The following NRP2 variants were observed in gnomAD, a reference collection of about 807,000 sequenced individuals.
The protein encoded by NRP2 is neuropilin 2, also known as neuropilin-2.
Under a neutral mutation model 110.4 loss-of-function variants are expected in NRP2, and 52 were observed. The observed-to-expected ratio is 0.47, with a 90% CI of 0.38 to 0.59. The LOEUF (loss-of-function observed/expected upper bound fraction) is 0.59. Among genes scored for constraint, NRP2 ranks in the 20% least tolerant of loss-of-function variants. The pLI, the probability that NRP2 is intolerant of heterozygous loss-of-function variation, is 0.00. For synonymous variants in NRP2, 508 were observed against 468.9 expected (o/e 1.08, Z -1.08); for missense variants, 1,049 against 1,203.0 (o/e 0.87, Z 1.89).
intron 15 of NRP2, among the ~76,000 whole-genome samples, chr2:205,775,428 A>G (rs2105944898): frequency 6.6e-6 from 1 of 152,286 alleles, no homozygotes; most frequent in East Asian, 1.9e-4. Context: ...CTTTTCTGTC[A>G]TTAAGAATGA....
chr2:205,713,699 G>T lies in NRP2; in HGVS notation c.252-2494G>T, dbSNP rs76631585. Among the ~76,000 whole-genome samples the T allele has an allele frequency of 8.9e-3, 1,350 of 152,264 alleles. 27 individuals carry two copies. The highest frequency in any genetic ancestry group is 0.031 in the African/African-American group (1,269 of 41,550). On this transcript the variant is annotated intron_variant, in intron 2 of 16. Transcript: ENST00000357785. ...ATTCTAGACCTGCAGACTATTGATT[G>T]TAGCAGGAGAGTATTCCATTTTATA...
At chr2:205,747,197 G>C (rs116597964) in intron 10 of NRP2, among the ~76,000 whole-genome samples, 1 of 152,096 alleles carries the variant, frequency 6.6e-6, no homozygotes, top group South Asian at 2.1e-4. Context: ...TTCACAACCC[G>C]CTTCACTTAT....
intron 15 of NRP2, chr2:205,779,539 A>C (rs2058150191): frequency 6.6e-6 from 1 of 152,194 alleles, no homozygotes; most frequent in African/African-American, 2.4e-5. Context: ...CCAAAGAACA[A>C]CAACGAAACA....
At chr2:205,750,201 G>C (rs2057618680) in intron 11 of NRP2, among the ~76,000 whole-genome samples, 2 of 152,224 alleles carry the variant, frequency 1.3e-5, no homozygotes, top group South Asian at 2.1e-4. Flanking sequence ...TCACAGCTCT[G>C]ATAGTTTTTC....
chr2:205,788,176 C>T (rs1004694979), intron 15 of NRP2, among the ~76,000 whole-genome samples: 1 of 152,086 alleles, frequency 6.6e-6, no homozygotes, highest in South Asian at 2.1e-4. Flanking sequence ...CTCTGTCTCT[C>T]GATGATGCAG....
chr2:205,730,615 G>A (rs1299327323), intron 7 of NRP2, among the ~76,000 whole-genome samples: 2 of 152,162 alleles, frequency 1.3e-5, no homozygotes, highest in Admixed American at 6.5e-5. Flanking sequence ...CCTTCCCGGT[G>A]TGCAGGGAAG....
At chr2:205,700,201 A>T (rs1380493575) in intron 2 of NRP2, among the ~76,000 whole-genome samples, 1 of 152,032 alleles carries the variant, frequency 6.6e-6, no homozygotes. Context: ...TCTCTTCCAT[A>T]CTGCATTTTC....
intron 2 of NRP2, among the ~76,000 whole-genome samples, chr2:205,704,111 G>A (rs1166104220): frequency 6.6e-6 from 1 of 152,166 alleles, no homozygotes; most frequent in Non-Finnish European, 1.5e-5. Flanking sequence ...CCAGTGGAAT[G>A]CCTGAAAGTG....
At chr2:205,689,444 CT>C (rs1382141394) in intron 1 of NRP2, among the ~76,000 whole-genome samples, 2 of 152,204 alleles carry the variant, frequency 1.3e-5, no homozygotes, top group African/African-American at 4.8e-5. Flanking sequence ...GTCACTGAAT[CT>C]TTAAAACTGT....
chr2:205,690,579 TACACACACACACACACAC>T (rs10591632), intron 1 of NRP2, among the ~76,000 whole-genome samples: 62 of 124,278 alleles, frequency 5.0e-4, no homozygotes, highest in Middle Eastern at 3.9e-3. Flanking sequence ...CTGCTAAAAA[TACACACACACACACACAC>T]ACACACACAC....
At chr2:205,728,247 C>T (rs1287421735) in intron 7 of NRP2, among the ~76,000 whole-genome samples, 1 of 152,316 alleles carries the variant, frequency 6.6e-6, no homozygotes, top group Non-Finnish European at 1.5e-5. Context: ...TCTCTGACAG[C>T]CAGTTGCTGT....
chr2:205,697,181 G>A (rs1342535605), intron 1 of NRP2, among the ~76,000 whole-genome samples: 2 of 152,120 alleles, frequency 1.3e-5, no homozygotes, highest in South Asian at 4.1e-4. Context: ...GTTGAATGAG[G>A]AGAGGAAGAT....
intron 3 of NRP2, among the ~76,000 whole-genome samples, chr2:205,720,479 G>A (rs181896964): frequency 4.6e-5 from 7 of 152,156 alleles, no homozygotes; most frequent in East Asian, 1.9e-4. Flanking sequence ...CCACTCCCAG[G>A]GGGGTGGACA....
intron 12 of NRP2, among the ~76,000 whole-genome samples, chr2:205,755,167 A>T (rs561301443): frequency 1.3e-5 from 2 of 152,216 alleles, no homozygotes; most frequent in African/African-American, 4.8e-5. Flanking sequence ...GACCTTTGCT[A>T]CTGGTTGGGA....
intron 15 of NRP2, among the ~76,000 whole-genome samples, chr2:205,783,827 G>C (rs1284325843): frequency 6.6e-6 from 1 of 152,220 alleles, no homozygotes; most frequent in Non-Finnish European, 1.5e-5. Flanking sequence ...TAACAAAGTG[G>C]CTTTGACTTT....
At chr2:205,722,021 G>T (rs559249114) in intron 3 of NRP2, among the ~76,000 whole-genome samples, 6 of 152,174 alleles carry the variant, frequency 3.9e-5, no homozygotes, top group African/African-American at 1.2e-4. Context: ...ACAAATAAGG[G>T]GTAACATTGT....
intron 15 of NRP2, among the ~76,000 whole-genome samples, chr2:205,791,177 T>A (rs1359875298): frequency 1.3e-5 from 2 of 152,232 alleles, no homozygotes; most frequent in African/African-American, 4.8e-5. Flanking sequence ...GTTCTTTTTC[T>A]CCCTCTTGTC....
At position 205,795,990 on chromosome 2, in the gene NRP2, C is replaced by T. The variant is rs2058348825; in HGVS notation, c.*932C>T. 6.6e-6 allele frequency: 1 copy of T among 152,162 alleles called. No individual in the cohort carries two copies. The highest frequency in any genetic ancestry group is 2.4e-5 in the African/African-American group (1 of 41,426). 9.4% of individuals were successfully genotyped at this position (152,162 alleles called of 1,614,324 possible). On this transcript the variant is annotated 3_prime_UTR_variant, in exon 17 of 17. Transcript: ENST00000357785. ...TACATACACACATACACATATTCTTCAGGTCTCTAAGCCCCTGGAAGCAGC... is the reference window on the plus strand; with the variant it reads ...TACATACACACATACACATATTCTTTAGGTCTCTAAGCCCCTGGAAGCAGC...
chr2:205,746,881 C>A (rs1369001885), intron 10 of NRP2, among the ~76,000 whole-genome samples: 1 of 152,214 alleles, frequency 6.6e-6, no homozygotes, highest in Non-Finnish European at 1.5e-5. Context: ...TGTTGAGGCA[C>A]ACGGGCTGGG....
Sources: gnomAD v4.1 joint callset for allele counts (sites outside exome capture counted in the v4.1 genomes callset) on GRCh38, gnomAD v4.1.1 for gene constraint, MANE v1.5 for transcripts, NCBI Gene and HGNC (gene_info 2026-07-23, HGNC 2026-07-21) for gene names.